SNX9: variants seen among roughly 807,000 people sequenced by gnomAD.
SNX9 encodes sorting nexin 9.
Under a neutral mutation model 89.4 loss-of-function variants are expected in SNX9, and 44 were observed. The ratio of observed to expected loss-of-function variants is 0.49; its 90% CI spans 0.39 to 0.63. The LOEUF is 0.63. SNX9 is among the 30% of genes least tolerant of loss of function. The pLI, the probability that SNX9 is intolerant of heterozygous loss-of-function variation, is 0.00. For synonymous variants in SNX9, 236 were observed against 247.8 expected (o/e 0.95, Z 0.45); for missense variants, 578 against 736.1 (o/e 0.79, Z 2.49).
intron 9 of SNX9, among the ~76,000 whole-genome samples, chr6:157,916,851 A>G (rs1166346245): frequency 2.0e-5 from 3 of 152,186 alleles, no homozygotes; most frequent in Admixed American, 2.0e-4. Flanking sequence ...GATTTGGTTC[A>G]CGATGGTTAT....
chr6:157,893,645 A>G (rs1418128567), intron 4 of SNX9, among the ~76,000 whole-genome samples: 1 of 151,842 alleles, frequency 6.6e-6, no homozygotes, highest in Non-Finnish European at 1.5e-5. Context: ...TAAGACTCAA[A>G]TAAAGGGGAA....
Position 157,909,806 on chromosome 6 carries a change from AT to A in SNX9, c.831+17del. The stretch of plus-strand genomic sequence containing the variant: ...AACACCTACTGTAAGTATCCACGTT[AT>A]CAAAAGCAGAATCATGTTTGGATCA... On this transcript the variant is annotated intron_variant, in intron 8 of 17. Coordinates refer to ENST00000392185, the MANE Select transcript of SNX9 (RefSeq NM_016224.5). 4 of 1,613,466 alleles carry A rather than the reference AT, an allele frequency of 2.5e-6. No individual in the cohort carries two copies. The highest frequency in any genetic ancestry group is 3.4e-6 in the Non-Finnish European group (4 of 1,179,668).
rs576526684 is a variant in SNX9, at chr6:157,838,257, C to T, written c.12+14811C>T. ...TGAACTCCTGGGCTCAAGCAGTCTGCCCACCTCAGCCTCCCAAAGTGCTAG... is the reference window on the plus strand; with the variant it reads ...TGAACTCCTGGGCTCAAGCAGTCTGTCCACCTCAGCCTCCCAAAGTGCTAG... On this transcript the variant is annotated intron_variant, in intron 1 of 17. Transcript: ENST00000392185. 2.6e-5 allele frequency among the ~76,000 whole-genome samples: 4 copies of T among 151,940 alleles called. No individual in the cohort carries two copies. In the South Asian group the frequency reaches 8.3e-4, roughly 32 times the overall value.
At chr6:157,906,243 T>C (rs1220549068) in intron 7 of SNX9, 31 bp downstream of exon 7, 1 of 1,553,020 alleles carries the variant, frequency 6.4e-7, no homozygotes, top group African/African-American at 1.4e-5. Flanking sequence ...TTGCTTTCTT[T>C]CTGATTAAGC....
At position 157,928,605 on chromosome 6, in the gene SNX9, G is replaced by A; in HGVS notation, c.1191G>A (p.Gln397=). Residue 397 remains glutamine (Q), a synonymous_variant, in exon 12 of 18, where the codon CAG becomes CAA. Coordinates refer to ENST00000392185, the MANE Select transcript of SNX9 (RefSeq NM_016224.5). The part of the protein sequence containing the change: ...APDLDLVEIE[Q]KCEAVGKFTK... The stretch of plus-strand genomic sequence containing the variant: ...CGGCCGCCTTCACCCACAGAGAGCA[G>A]AAGTGCGAGGCTGTGGGGAAGTTCA... 6.2e-7 allele frequency: 1 copy of A among 1,607,312 alleles called. No homozygotes were observed.
intron 4 of SNX9, among the ~76,000 whole-genome samples, chr6:157,883,361 C>T (rs1055572023): frequency 1.3e-5 from 2 of 152,126 alleles, no homozygotes; most frequent in Admixed American, 1.3e-4. Flanking sequence ...GCATTGCTGA[C>T]GTATGCTTTT....
chr6:157,823,430 C>T lies in SNX9; in HGVS notation c.-5C>T. On this transcript the variant is annotated 5_prime_UTR_variant, in exon 1 of 18. Transcript: ENST00000392185. The surrounding 1 kb of genome is among the most constrained non-coding windows in gnomAD (Gnocchi z 4.6). ...GGCCGTCCCGGGCCGGGGGACCCGC[C>T]CGCCATGGCCACCAAGGTGAGGGGC... 1 of 1,246,220 alleles carries T rather than the reference C, an allele frequency of 8.0e-7. No homozygotes were observed. Among genetic ancestry groups the T allele is most frequent in the Non-Finnish European group, 1.0e-6 (1 of 995,572 alleles). 77.2% of individuals were successfully genotyped at this position (1,246,220 alleles called of 1,614,324 possible). A position where few individuals can be genotyped will look rare whatever the true frequency, so the allele number is the denominator to read the frequency against.
chr6:157,834,092 G>T (rs1253292478), intron 1 of SNX9, among the ~76,000 whole-genome samples: 1 of 149,480 alleles, frequency 6.7e-6, no homozygotes, highest in African/African-American at 2.5e-5. Context: ...CTGCCATGGG[G>T]TGACACCAGG....
chr6:157,860,303 G>C (rs1782095446), intron 1 of SNX9, among the ~76,000 whole-genome samples: 1 of 152,190 alleles, frequency 6.6e-6, no homozygotes, highest in South Asian at 2.1e-4. Flanking sequence ...TCTATCAGGA[G>C]GCTGAGGCAG....
rs1199119904 is a variant in SNX9, at chr6:157,827,648, A to C, written c.12+4202A>C. On this transcript the variant is annotated intron_variant, in intron 1 of 17. Coordinates refer to ENST00000392185, the MANE Select transcript of SNX9 (RefSeq NM_016224.5). Reference sequence around the variant, plus strand: ...CATTGTCAGTCATCCTGTTTTATTTAAAAGATCAAGTTCTGGAAAAGAAAT... The same window carrying C: ...CATTGTCAGTCATCCTGTTTTATTTCAAAGATCAAGTTCTGGAAAAGAAAT... Among the ~76,000 whole-genome samples, 2 of 146,870 alleles carry C rather than the reference A, an allele frequency of 1.4e-5. 1 individual carries two copies. The highest frequency in any genetic ancestry group is 5.0e-5 in the African/African-American group (2 of 39,820).
At chr6:157,825,205 G>T (rs554348690) in intron 1 of SNX9, among the ~76,000 whole-genome samples, 2 of 152,110 alleles carry the variant, frequency 1.3e-5, no homozygotes, top group African/African-American at 4.8e-5. Flanking sequence ...CCGAGATCGC[G>T]CCACTGCACT....
At chr6:157,896,688 A>G in intron 4 of SNX9, 139 bp from the exon 5 acceptor site, 2 of 949,554 alleles carry the variant, frequency 2.1e-6, no homozygotes, top group Non-Finnish European at 3.3e-6. Flanking sequence ...AATATTATGT[A>G]TGTAAAATTG....
At chr6:157,900,679 C>T (rs1209326745) in intron 5 of SNX9, among the ~76,000 whole-genome samples, 2 of 152,158 alleles carry the variant, frequency 1.3e-5, no homozygotes, top group African/African-American at 2.4e-5. Flanking sequence ...AATTCTTTAA[C>T]ATAACATCTG....
chr6:157,929,142 C>T (rs567891897), intron 12 of SNX9, among the ~76,000 whole-genome samples: 8 of 152,240 alleles, frequency 5.3e-5, no homozygotes, highest in East Asian at 1.9e-4. Context: ...GAAGCACTGC[C>T]GAGGGGAGAG....
At chr6:157,895,384 A>G (rs1223898668) in intron 4 of SNX9, among the ~76,000 whole-genome samples, 2 of 152,178 alleles carry the variant, frequency 1.3e-5, no homozygotes, top group East Asian at 3.9e-4. Context: ...TAGTAATTTA[A>G]AAAGTTGCTC....
chr6:157,897,403 GC>G (rs962911759), intron 5 of SNX9, among the ~76,000 whole-genome samples: 1 of 152,104 alleles, frequency 6.6e-6, no homozygotes, highest in Non-Finnish European at 1.5e-5. Flanking sequence ...GAGCTTCCAT[GC>G]CCCCCTGCCC....
At chr6:157,918,706 G>A (rs568462097) in intron 9 of SNX9, among the ~76,000 whole-genome samples, 7 of 151,774 alleles carry the variant, frequency 4.6e-5, no homozygotes, top group East Asian at 1.9e-4. Flanking sequence ...AATATTTTAC[G>A]GTGTATTGTT....
Position 157,896,920 on chromosome 6 carries a change from G to A in SNX9, c.394G>A (p.Ala132Thr). ...AGGCTGGGGGGCCCAGCCAGAGGGG[G>A]CTGGAGCCCAAAGAAACACAAACAC... ...SEGWGAQPEG[A>T]GAQRNTNTPN... Residue 132 changes from alanine to threonine, a missense_variant, in exon 5 of 18, where the codon GCT (alanine) becomes ACT (threonine). This residue lies in a region of SNX9 where 230 missense variants were observed against 244.7 expected (regional missense o/e 0.94). Transcript: ENST00000392185. 1 of 1,613,124 alleles carries A rather than the reference G, an allele frequency of 6.2e-7. No individual in the cohort carries two copies. The highest frequency in any genetic ancestry group is 8.5e-7 in the Non-Finnish European group (1 of 1,179,714).
At chr6:157,918,607 T>C (rs1783521285) in intron 9 of SNX9, among the ~76,000 whole-genome samples, 1 of 152,182 alleles carries the variant, frequency 6.6e-6, no homozygotes, top group African/African-American at 2.4e-5. Flanking sequence ...AATATAATTA[T>C]TGACATGGTT....
Sources: allele counts gnomAD v4.1 joint callset (sites outside exome capture counted in the v4.1 genomes callset), GRCh38; gene constraint gnomAD v4.1.1; regional missense constraint gnomAD v4.1.1; non-coding constraint Gnocchi (gnomAD v3.1); transcripts MANE v1.5; gene names NCBI Gene and HGNC (gene_info 2026-07-23, HGNC 2026-07-21).